The following IGSF11 variants were observed in gnomAD, a reference collection of about 807,000 sequenced individuals.
IGSF11 encodes the protein CXADR like 1.
In IGSF11, 22 loss-of-function variants were observed where a neutral mutation model predicts 41.0. That is an observed-to-expected ratio of 0.54 (90% confidence interval 0.38 to 0.77). The LOEUF is 0.77. Ranked by LOEUF, IGSF11 falls within the 30% of genes least tolerant of loss-of-function variation. The probability of loss-of-function intolerance (pLI) is 0.00; values close to 1 mark genes in which losing one functional copy is unlikely to be tolerated. For synonymous variants in IGSF11, 219 were observed against 201.3 expected (o/e 1.09, Z -0.74); for missense variants, 444 against 530.8 (o/e 0.84, Z 1.61).
intron 1 of IGSF11, among the ~76,000 whole-genome samples, chr3:119,029,676 C>T (rs1019622120): frequency 1.1e-4 from 17 of 152,156 alleles, no homozygotes; most frequent in African/African-American, 4.1e-4. Context: ...CTGCTGTGAA[C>T]AGTGAAACTT....
chr3:119,127,449 C>T (rs968733484), intron 1 of IGSF11, among the ~76,000 whole-genome samples: 2 of 152,032 alleles, frequency 1.3e-5, no homozygotes, highest in Admixed American at 1.3e-4. Context: ...GGAAAACACA[C>T]TTCAGCATAT....
intron 1 of IGSF11, among the ~76,000 whole-genome samples, chr3:118,934,791 GTCA>G (rs1398795032): frequency 3.9e-5 from 6 of 152,122 alleles, no homozygotes; most frequent in African/African-American, 1.2e-4. Flanking sequence ...AGTCAACTCT[GTCA>G]TCATCTCCCA....
At chr3:119,004,975 A>C (rs1379957081) in intron 1 of IGSF11, among the ~76,000 whole-genome samples, 3 of 151,414 alleles carry the variant, frequency 2.0e-5, no homozygotes, top group East Asian at 1.9e-4. Context: ...GATGTCTATT[A>C]GGTGCGCTTG....
At chr3:119,120,885 G>C (rs2077324201) in intron 1 of IGSF11, among the ~76,000 whole-genome samples, 2 of 152,206 alleles carry the variant, frequency 1.3e-5, no homozygotes, top group Non-Finnish European at 2.9e-5. Context: ...TGTTAGAGAA[G>C]AAATGGTTTG....
At chr3:119,046,063 T>C (rs980220353) in intron 1 of IGSF11, among the ~76,000 whole-genome samples, 5 of 150,942 alleles carry the variant, frequency 3.3e-5, no homozygotes, top group South Asian at 2.1e-4. Context: ...ACAGAAAAAC[T>C]GGAAACTCTA....
chr3:119,096,401 G>A (rs1220354856), intron 1 of IGSF11, among the ~76,000 whole-genome samples: 6 of 151,680 alleles, frequency 4.0e-5, no homozygotes, highest in Non-Finnish European at 5.9e-5. Flanking sequence ...CACATATACA[G>A]CCATATACAT....
chr3:119,078,453 C>G (rs77664129), intron 1 of IGSF11, among the ~76,000 whole-genome samples: 2,614 of 152,258 alleles, frequency 0.017, 64 homozygotes, highest in African/African-American at 0.06. Flanking sequence ...AAGTCGACAA[C>G]AAGCAATGGG....
At chr3:118,942,766 T>TA (rs1473531405) in intron 1 of IGSF11, among the ~76,000 whole-genome samples, 1 of 152,252 alleles carries the variant, frequency 6.6e-6, no homozygotes, top group Admixed American at 6.5e-5. Context: ...TGTATTCCTT[T>TA]ATCTTGTCGG....
intron 4 of IGSF11, among the ~76,000 whole-genome samples, chr3:118,908,516 A>G (rs764812614): frequency 1.3e-5 from 2 of 152,222 alleles, no homozygotes; most frequent in Non-Finnish European, 2.9e-5. Context: ...CTAGCAGGCT[A>G]ATTCTGCCAT....
intron 1 of IGSF11, among the ~76,000 whole-genome samples, chr3:118,944,481 C>CACAT (rs1213075866): frequency 6.6e-6 from 1 of 151,320 alleles, no homozygotes; most frequent in Non-Finnish European, 1.5e-5. Context: ...CACACACACA[C>CACAT]ACACACACAC....
chr3:119,106,462 T>C (rs2077026729), upstream of IGSF11, among the ~76,000 whole-genome samples: 1 of 152,208 alleles, frequency 6.6e-6, no homozygotes, highest in Non-Finnish European at 1.5e-5. Flanking sequence ...AGAAATTTGC[T>C]TTTCTCTGCC....
chr3:119,093,408 T>A (rs2076796743), intron 1 of IGSF11, among the ~76,000 whole-genome samples: 1 of 151,196 alleles, frequency 6.6e-6, no homozygotes, highest in Non-Finnish European at 1.5e-5. Flanking sequence ...GAGACCCGTT[T>A]TTTTTTTTTT....
At chr3:118,964,216 T>C (rs1305968327) in intron 1 of IGSF11, among the ~76,000 whole-genome samples, 1 of 152,150 alleles carries the variant, frequency 6.6e-6, no homozygotes, top group Non-Finnish European at 1.5e-5. Flanking sequence ...ACATTATGGG[T>C]TTGTATATTT....
At chr3:119,021,142 T>G (rs1939244874) in intron 1 of IGSF11, among the ~76,000 whole-genome samples, 1 of 152,180 alleles carries the variant, frequency 6.6e-6, no homozygotes, top group Non-Finnish European at 1.5e-5. Flanking sequence ...TGGCCACAGG[T>G]TAAAATCCCT....
intron 4 of IGSF11, among the ~76,000 whole-genome samples, chr3:118,919,273 C>A (rs1391332656): frequency 7.1e-6 from 1 of 140,716 alleles, no homozygotes; most frequent in Non-Finnish European, 1.5e-5. Flanking sequence ...TCTAATTAAA[C>A]TAAAGAGTTT....
intron 1 of IGSF11, among the ~76,000 whole-genome samples, chr3:119,043,862 G>A (rs1004052065): frequency 1.3e-5 from 2 of 152,150 alleles, no homozygotes; most frequent in African/African-American, 4.8e-5. Context: ...GGAAGCAGGA[G>A]AGTACCACAT....
chr3:119,055,686 C>A (rs1234209365), intron 1 of IGSF11, among the ~76,000 whole-genome samples: 1 of 152,178 alleles, frequency 6.6e-6, no homozygotes, highest in Admixed American at 6.5e-5. Flanking sequence ...CAGCACCACA[C>A]CACACTTATT....
At chr3:118,916,315 TTGGATA>T (rs1235853331) in intron 4 of IGSF11, among the ~76,000 whole-genome samples, 2 of 151,868 alleles carry the variant, frequency 1.3e-5, no homozygotes, top group Non-Finnish European at 2.9e-5. Context: ...GACTGGCGAG[TTGGATA>T]AAGAGTCAAG....
intron 1 of IGSF11, among the ~76,000 whole-genome samples, chr3:119,120,370 C>A (rs1270507138): frequency 6.6e-6 from 1 of 152,214 alleles, no homozygotes; most frequent in East Asian, 1.9e-4. Context: ...GGGGTATATA[C>A]CCTGGTTCTT....
Sources: gnomAD v4.1 joint callset for allele counts (sites outside exome capture counted in the v4.1 genomes callset) on GRCh38, gnomAD v4.1.1 for gene constraint, MANE v1.5 for transcripts, NCBI Gene and HGNC (gene_info 2026-07-23, HGNC 2026-07-21) for gene names.